The following LMLN variants were observed in gnomAD, a reference collection of about 807,000 sequenced individuals.
LMLN encodes leishmanolysin like peptidase.
In LMLN, 70 loss-of-function variants were observed where a neutral mutation model predicts 92.3. That is an observed-to-expected ratio of 0.76 (90% CI 0.63 to 0.92). The LOEUF (loss-of-function observed/expected upper bound fraction) is 0.92. Ranked by LOEUF, LMLN falls within the 40% of genes least tolerant of loss-of-function variation. LMLN has a pLI of 0.00. For missense variants in LMLN, 691 were observed against 814.6 expected, an observed-to-expected ratio of 0.85 and a Z score of 1.85; for synonymous variants, 308 against 296.2, an observed-to-expected ratio of 1.04 and a Z score of -0.41.
intron 11 of LMLN, among the ~76,000 whole-genome samples, chr3:198,013,180 C>T (rs1397112235): frequency 1.7e-5 from 2 of 116,360 alleles, no homozygotes; most frequent in African/African-American, 4.6e-5. Context: ...CTTTAGAGCC[C>T]CCTAACTAGT....
intron 4 of LMLN, 132 bp downstream of exon 4, chr3:197,976,243 G>T: frequency 1.8e-6 from 1 of 544,302 alleles, no homozygotes; most frequent in Non-Finnish European, 3.3e-6. Context: ...CTAACTGCAA[G>T]GTATTTAAAA....
intron 11 of LMLN, among the ~76,000 whole-genome samples, chr3:198,006,778 T>C (rs34859466): frequency 0.013 from 1,986 of 152,206 alleles, 45 homozygotes; most frequent in African/African-American, 0.045. Context: ...AGTGGCGCGA[T>C]CTTGGCTCAC....
intron 5 of LMLN, among the ~76,000 whole-genome samples, chr3:197,977,282 G>A (rs576540431): frequency 6.6e-6 from 1 of 152,190 alleles, no homozygotes; most frequent in East Asian, 1.9e-4. Context: ...TGAAAAAAAT[G>A]TTGCGAATCA....
At chr3:197,960,529 C>A in intron 1 of LMLN, 89 bp downstream of exon 1, 2 of 1,292,150 alleles carry the variant, frequency 1.5e-6, no homozygotes, top group Non-Finnish European at 2.1e-6. Flanking sequence ...GAGAAGGTGT[C>A]CTGGATGAGA....
chr3:198,036,921 C>G (rs971470697), intron 15 of LMLN, among the ~76,000 whole-genome samples: 1 of 152,100 alleles, frequency 6.6e-6, no homozygotes, highest in Non-Finnish European at 1.5e-5. Flanking sequence ...TTTGCCTAGT[C>G]CATGGTGTGA....
intron 10 of LMLN, 28 bp downstream of exon 10, chr3:197,996,310 C>A: frequency 1.5e-6 from 2 of 1,318,944 alleles, no homozygotes; most frequent in Non-Finnish European, 2.1e-6. Context: ...TTTTCCTAGA[C>A]TTTATTTAAT....
At chr3:198,035,652 G>T (rs1247672133) in intron 14 of LMLN, among the ~76,000 whole-genome samples, 181 bp from the exon 16 acceptor site, 1 of 152,000 alleles carries the variant, frequency 6.6e-6, no homozygotes, top group Non-Finnish European at 1.5e-5. Context: ...GAGCCACCGC[G>T]CCCGGCCAAC....
chr3:198,003,238 T>A, intron 11 of LMLN, 113 bp downstream of exon 12: 1 of 601,640 alleles, frequency 1.7e-6, no homozygotes, highest in Non-Finnish European at 2.8e-6. Context: ...AGTTCAATTT[T>A]AAAATATATA....
At chr3:197,984,046 C>A (rs1320631784) in exon 7 of LMLN, 5 of 1,589,336 alleles carry the variant, frequency 3.1e-6, no homozygotes, top group Non-Finnish European at 4.3e-6. Context: ...TATTCATGCC[C>A]TGGTAAATTC....
intron 6 of LMLN, 59 bp downstream of exon 6, chr3:197,980,563 C>T (rs1384916624): frequency 4.7e-6 from 7 of 1,500,540 alleles, no homozygotes; most frequent in African/African-American, 1.4e-5. Context: ...TTAAAGCAAA[C>T]TGTATTTTTA....
At chr3:198,024,688 A>G in exon 14 of LMLN, 6 of 1,609,180 alleles carry the variant, frequency 3.7e-6, no homozygotes, top group Non-Finnish European at 5.1e-6. Context: ...GCTGAAAAGT[A>G]TGGACCTCAT....
chr3:197,991,255 C>CA (rs1261638534), intron 9 of LMLN, among the ~76,000 whole-genome samples: 1 of 151,834 alleles, frequency 6.6e-6, no homozygotes, highest in African/African-American at 2.4e-5. Flanking sequence ...AGGCACGCAC[C>CA]ACCACGCCCA....
intron 9 of LMLN, 88 bp downstream of exon 9, chr3:197,990,764 A>G (rs1721844402): frequency 1.7e-6 from 1 of 602,658 alleles, no homozygotes; most frequent in Non-Finnish European, 2.8e-6. Context: ...ATTGTTTAAG[A>G]ACTTATAATT....
At chr3:198,006,999 C>T (rs1386086794) in intron 11 of LMLN, among the ~76,000 whole-genome samples, 1 of 152,216 alleles carries the variant, frequency 6.6e-6, no homozygotes, top group Non-Finnish European at 1.5e-5. Context: ...GCGTGAGCCA[C>T]TCTTAAGCCA....
chr3:198,008,214 A>G (rs1722344739), intron 11 of LMLN, among the ~76,000 whole-genome samples: 1 of 152,040 alleles, frequency 6.6e-6, no homozygotes, highest in Non-Finnish European at 1.5e-5. Context: ...CAATTATTTT[A>G]CCTTTAATTA....
exon 2 of LMLN, chr3:197,974,418 G>A (rs1238346389): frequency 1.3e-6 from 2 of 1,598,036 alleles, no homozygotes; most frequent in Non-Finnish European, 1.7e-6. Flanking sequence ...ATGTGGTCAA[G>A]AGAGATGTTG....
intron 15 of LMLN, among the ~76,000 whole-genome samples, 171 bp downstream of exon 16, chr3:198,036,214 G>A (rs745661468): frequency 1.6e-4 from 24 of 152,116 alleles, no homozygotes; most frequent in Non-Finnish European, 1.6e-4. Flanking sequence ...GAAATCTAAG[G>A]TAGGTCAACT....
intron 8 of LMLN, among the ~76,000 whole-genome samples, chr3:197,987,092 G>A (rs1300026898): frequency 1.3e-5 from 2 of 151,430 alleles, no homozygotes; most frequent in East Asian, 1.9e-4. Context: ...TGCCCGCCTC[G>A]GCCTCCCAAA....
At chr3:198,018,554 A>G (rs1722702697) in intron 11 of LMLN, among the ~76,000 whole-genome samples, 1 of 152,238 alleles carries the variant, frequency 6.6e-6, no homozygotes. Flanking sequence ...TCATCTTAGG[A>G]AGCTGTAACT....
Sources: allele counts gnomAD v4.1 joint callset (sites outside exome capture counted in the v4.1 genomes callset), GRCh38; gene constraint gnomAD v4.1.1; transcripts MANE v1.5; gene names NCBI Gene and HGNC (gene_info 2026-07-23, HGNC 2026-07-21).